SH3D19: variants seen among roughly 807,000 people sequenced by gnomAD.
SH3D19 encodes the protein SH3 domain containing 19, also known as SH3 domain-containing protein 19.
Under a neutral mutation model 112.1 loss-of-function variants are expected in SH3D19, and 58 were observed. The ratio of observed to expected loss-of-function variants is 0.52; its 90% CI spans 0.42 to 0.64. The LOEUF (loss-of-function observed/expected upper bound fraction) is 0.64. Ranked by LOEUF, SH3D19 falls within the 30% of genes least tolerant of loss-of-function variation. The pLI is 0.00. For missense variants in SH3D19, 1,090 were observed against 1,263.4 expected, an observed-to-expected ratio of 0.86 and a Z score of 2.08; for synonymous variants, 391 against 448.5, an observed-to-expected ratio of 0.87 and a Z score of 1.62.
chr4:151,183,573 A>G (rs942859071), intron 3 of SH3D19, among the ~76,000 whole-genome samples: 1 of 152,184 alleles, frequency 6.6e-6, no homozygotes, highest in Admixed American at 6.6e-5. Flanking sequence ...CTCTGTGTGG[A>G]GCCAGGAGAG....
intron 17 of SH3D19, among the ~76,000 whole-genome samples, chr4:151,129,608 G>T (rs558324506): frequency 6.6e-6 from 1 of 152,168 alleles, no homozygotes; most frequent in African/African-American, 2.4e-5. Flanking sequence ...GGCCTGAAGC[G>T]ATCCACCTGC....
chr4:151,149,044 A>T (rs757180089), intron 10 of SH3D19, among the ~76,000 whole-genome samples: 6 of 152,096 alleles, frequency 3.9e-5, no homozygotes, highest in Non-Finnish European at 7.4e-5. Flanking sequence ...CTCAAAAAAA[A>T]AATAAATAAA....
At position 151,195,802 on chromosome 4, in the gene SH3D19, C is replaced by T. The variant is rs114160068; in HGVS notation, c.153-8339G>A. Among the ~76,000 whole-genome samples, 542 of 151,682 alleles carry T rather than the reference C, an allele frequency of 3.6e-3. 2 individuals are homozygous for T. Among genetic ancestry groups the T allele is most frequent in the South Asian group, 0.019 (89 of 4,798 alleles). On this transcript the variant is annotated intron_variant, in intron 2 of 19. Coordinates refer to ENST00000604030, the MANE Select transcript of SH3D19 (RefSeq NM_001378122.1). ...CAATTTAAGAAGTCCTCTTGACATGCTCAGATTCCATGCCATAAAATACTT... is the reference window on the plus strand; with the variant it reads ...CAATTTAAGAAGTCCTCTTGACATGTTCAGATTCCATGCCATAAAATACTT...
chr4:151,214,675 G>T (rs1477094345), intron 2 of SH3D19, among the ~76,000 whole-genome samples: 2 of 102,270 alleles, frequency 2.0e-5, no homozygotes, highest in Non-Finnish European at 4.8e-5. Flanking sequence ...GCGGCTGGCC[G>T]GGCAGAGGGG....
At chr4:151,240,412 TAA>T (rs879935522) in intron 1 of SH3D19, among the ~76,000 whole-genome samples, 1 of 141,714 alleles carries the variant, frequency 7.1e-6, no homozygotes, top group Admixed American at 7.1e-5. Flanking sequence ...ACATGTCTCT[TAA>T]AAAAAAAAAA....
chr4:151,300,137 G>C (rs1429898601), intron 1 of SH3D19, among the ~76,000 whole-genome samples: 1 of 151,962 alleles, frequency 6.6e-6, no homozygotes, highest in Non-Finnish European at 1.5e-5. Context: ...GGAGGCGGAG[G>C]TTGCAGTGAG....
chr4:151,133,141 A>T lies in SH3D19; in HGVS notation c.2582T>A (p.Val861Glu), dbSNP rs774972478. 1 of 1,614,156 alleles carries T rather than the reference A, an allele frequency of 6.2e-7. No individual in the cohort carries two copies. Among genetic ancestry groups the T allele is most frequent in the South Asian group, 1.1e-5 (1 of 91,082 alleles). ...EGEIIILKEY[V>E]NEEWARGEVR... ...TTCTCCTCTGGCCCATTCCTCATTC[A>T]CATACTCTTTAAGAATAATAATTTC... Residue 861 changes from valine (V) to glutamate (E), a missense_variant, in exon 16 of 20, where the codon GTG becomes GAG. Val to Glu is a moderately radical substitution (Grantham distance 121). Transcript: ENST00000604030.
At chr4:151,237,762 A>T (rs1406512402) in intron 1 of SH3D19, among the ~76,000 whole-genome samples, 4 of 152,222 alleles carry the variant, frequency 2.6e-5, no homozygotes, top group Non-Finnish European at 2.9e-5. Context: ...ATATTTAGCA[A>T]GTTCATAATA....
chr4:151,255,887 G>A (rs140153342), intron 1 of SH3D19, among the ~76,000 whole-genome samples: 4,571 of 152,320 alleles, frequency 0.03, 199 homozygotes, highest in African/African-American at 0.093. Flanking sequence ...GTGGCGGTGC[G>A]AGCCTGCAAT....
intron 1 of SH3D19, 60 bp downstream of exon 1, chr4:151,325,181 C>T (rs1468801552): frequency 1.0e-6 from 1 of 971,274 alleles, no homozygotes; most frequent in Non-Finnish European, 1.3e-6. Context: ...GGGCAGGACC[C>T]GAGCGGCCCC....
intron 2 of SH3D19, among the ~76,000 whole-genome samples, chr4:151,191,851 T>G (rs537959687): frequency 6.6e-5 from 10 of 152,158 alleles, no homozygotes; most frequent in African/African-American, 2.4e-4. Flanking sequence ...TTCATCATGT[T>G]AGCCAGGATG....
chr4:151,217,824 T>G (rs1300556851), intron 2 of SH3D19, among the ~76,000 whole-genome samples: 2 of 152,150 alleles, frequency 1.3e-5, no homozygotes, highest in Admixed American at 1.3e-4. Flanking sequence ...GAAAATTTTA[T>G]GCAGTAGTTA....
chr4:151,164,409 G>T (rs1361293289), intron 8 of SH3D19, among the ~76,000 whole-genome samples: 1 of 151,916 alleles, frequency 6.6e-6, no homozygotes, highest in African/African-American at 2.4e-5. Context: ...TAATAATCTG[G>T]TGCCTAAAAT....
At chr4:151,197,195 G>C (rs1763598258) in intron 2 of SH3D19, among the ~76,000 whole-genome samples, 1 of 151,928 alleles carries the variant, frequency 6.6e-6, no homozygotes, top group Non-Finnish European at 1.5e-5. Context: ...GACAGAGCAA[G>C]ACGATCTCAA....
intron 1 of SH3D19, among the ~76,000 whole-genome samples, chr4:151,299,126 T>C (rs1401006088): frequency 6.6e-6 from 1 of 152,244 alleles, no homozygotes; most frequent in Non-Finnish European, 1.5e-5. Flanking sequence ...AACAGAAAGC[T>C]ATGGTTGCAA....
At chr4:151,138,666 C>T (rs994317659) in intron 13 of SH3D19, among the ~76,000 whole-genome samples, 2 of 145,324 alleles carry the variant, frequency 1.4e-5, no homozygotes, top group Non-Finnish European at 3.0e-5. Flanking sequence ...CAAGCCTAGG[C>T]GACAGAGCAA....
intron 1 of SH3D19, among the ~76,000 whole-genome samples, chr4:151,299,035 C>T (rs905378821): frequency 3.3e-5 from 5 of 152,194 alleles, no homozygotes; most frequent in Admixed American, 2.6e-4. Flanking sequence ...TGGTCATGGT[C>T]AATATGCCAC....
At chr4:151,214,230 T>C (rs1184785150) in intron 2 of SH3D19, among the ~76,000 whole-genome samples, 1 of 151,894 alleles carries the variant, frequency 6.6e-6, no homozygotes. Context: ...GAATCTTTCT[T>C]AGTACAGAAC....
chr4:151,130,985 G>A (rs1750569592), intron 17 of SH3D19, among the ~76,000 whole-genome samples: 1 of 151,268 alleles, frequency 6.6e-6, no homozygotes, highest in South Asian at 2.1e-4. Flanking sequence ...AAACCTACCC[G>A]TATATATAAT....
Sources: allele counts gnomAD v4.1 joint callset (sites outside exome capture counted in the v4.1 genomes callset), GRCh38; gene constraint gnomAD v4.1.1; transcripts MANE v1.5; gene names NCBI Gene and HGNC (gene_info 2026-07-23, HGNC 2026-07-21).